The following CCDC85C variants were observed in gnomAD, a reference collection of about 807,000 sequenced individuals.
CCDC85C encodes the protein coiled-coil domain containing 85C, also known as coiled-coil domain-containing protein 85C.
A neutral mutation model predicts 38.3 loss-of-function variants in CCDC85C; 18 were observed. The observed-to-expected ratio is 0.47, with a 90% CI of 0.33 to 0.70. The LOEUF is 0.70. Among genes scored for constraint, CCDC85C ranks in the 30% least tolerant of loss-of-function variants. CCDC85C has a pLI of 0.03. For synonymous variants in CCDC85C, 264 were observed against 293.8 expected (o/e 0.90, Z 1.04); for missense variants, 566 against 621.2 (o/e 0.91, Z 0.94).
chr14:99,582,974 T>A (rs924231238), intron 1 of CCDC85C: 3 of 152,198 alleles, frequency 2.0e-5, no homozygotes, highest in African/African-American at 7.2e-5. Flanking sequence ...ACGAGAACTC[T>A]CTGTATCTCC....
rs1352747144 is a variant in CCDC85C at position 99,506,701 on chromosome 14, T to G, written c.*8545A>C. 1 of 247,618 alleles carries G rather than the reference T, an allele frequency of 4.0e-6. No individual in the cohort carries two copies. The highest frequency in any genetic ancestry group is 2.3e-5 in the African/African-American group (1 of 44,402). 15.3% of individuals were successfully genotyped at this position (247,618 alleles called of 1,614,324 possible). On this transcript the variant is annotated 3_prime_UTR_variant, in exon 6 of 6. Transcript: ENST00000380243. ...GGACTCAGTGACATGATGTTGCTAC[T>G]CTGGACCCTTCTTTGTGTCCTCTGT...
chr14:99,552,328 C>G (rs1165283874), intron 1 of CCDC85C, among the ~76,000 whole-genome samples: 2 of 152,230 alleles, frequency 1.3e-5, no homozygotes, highest in Non-Finnish European at 2.9e-5. Context: ...CCACAAGGGT[C>G]TCTGGGGGCC....
chr14:99,540,949 C>T (rs1897701165), intron 1 of CCDC85C, among the ~76,000 whole-genome samples: 1 of 152,192 alleles, frequency 6.6e-6, no homozygotes, highest in African/African-American at 2.4e-5. Context: ...ACTCACTGGC[C>T]TTCTGGGAAG....
rs1897575991 is a variant in CCDC85C, at chr14:99,535,402, C to T, written c.867+613G>A. The stretch of plus-strand genomic sequence containing the variant: ...TAGCCTCCTCTCGGCAGCCCCCACG[C>T]CTGCCCCACCTGCAGCAGGGAAAGC... On this transcript the variant is annotated intron_variant, in intron 2 of 5. Transcript: ENST00000380243. The surrounding 1 kb of genome is among the most constrained non-coding windows in gnomAD (Gnocchi z 5.5). 2.6e-5 allele frequency among the ~76,000 whole-genome samples: 4 copies of T among 152,284 alleles called. No individual in the cohort carries two copies. Among genetic ancestry groups the T allele is most frequent in the Middle Eastern group, 3.4e-3 (1 of 294 alleles).
rs192898653 is a variant in CCDC85C, at chr14:99,564,317, C to T, written c.794-28229G>A. On this transcript the variant is annotated intron_variant, in intron 1 of 5. Coordinates refer to ENST00000380243, the MANE Select transcript of CCDC85C (RefSeq NM_001144995.2). Reference sequence around the variant, plus strand: ...TTGCACTCTCCTCCTTGCACCCTCCCCAGACCCACAAGATGGAAGAGGGTG... The same window carrying T: ...TTGCACTCTCCTCCTTGCACCCTCCTCAGACCCACAAGATGGAAGAGGGTG... 3.6e-3 allele frequency among the ~76,000 whole-genome samples: 547 copies of T among 152,320 alleles called. 6 individuals are homozygous for T. Among genetic ancestry groups the T allele is most frequent in the African/African-American group, 0.012 (506 of 41,578 alleles).
chr14:99,574,557 T>G (rs777356289), intron 1 of CCDC85C, among the ~76,000 whole-genome samples: 15 of 150,988 alleles, frequency 9.9e-5, no homozygotes, highest in Non-Finnish European at 1.9e-4. Flanking sequence ...CTAAGGGAGG[T>G]GGGGAACTCC....
chr14:99,503,418 A>G lies in CCDC85C; in HGVS notation c.*11828T>C. The G allele has an allele frequency of 3.3e-6, 2 of 606,942 alleles. No individual in the cohort carries two copies. The highest frequency in any genetic ancestry group is 5.9e-6 in the Non-Finnish European group (2 of 340,088). The allele number at this position is 606,942 out of a possible 1,614,324, so 37.6% of individuals were successfully genotyped here. A position where few individuals can be genotyped will look rare whatever the true frequency, so the allele number is the denominator to read the frequency against. On this transcript the variant is annotated 3_prime_UTR_variant, in exon 6 of 6. Coordinates refer to ENST00000380243, the MANE Select transcript of CCDC85C (RefSeq NM_001144995.2). ...CATTCTGTCTTATTTGGTAAATGGA[A>G]AGAGGAAGGGAGCAGAAATGATGAT...
In CCDC85C at chr14:99,578,246, TTGTG is replaced by T. The variant is rs373278208; in HGVS notation, c.793+24917_793+24920del. ...CATCCTGTATCCCCCATCGGTGTGT[TTGTG>T]TGTGTGTGTGAGTGTACACCTCTCC... On this transcript the variant is annotated intron_variant, in intron 1 of 5. Coordinates refer to ENST00000380243, the MANE Select transcript of CCDC85C (RefSeq NM_001144995.2). Among the ~76,000 whole-genome samples the T allele has an allele frequency of 3.2e-3, 311 of 96,830 alleles. 8 individuals carry two copies. The highest frequency in any genetic ancestry group is 0.012 in the African/African-American group (267 of 22,156). 63.5% of individuals were successfully genotyped at this position (96,830 alleles called of 152,430 possible).
rs373279176 is a variant in CCDC85C, at chr14:99,588,579, G to A, written c.793+14588C>T. Among the ~76,000 whole-genome samples the A allele has an allele frequency of 3.0e-4, 46 of 152,182 alleles. No individual in the cohort carries two copies. Among genetic ancestry groups the A allele is most frequent in the Admixed American group, 2.2e-3 (33 of 15,290 alleles). ...CTCCTGCTGGCGATGGCGCTGGCCC[G>A]GGAGGCCTGAGGAAGCGAGCTGGGG... On this transcript the variant is annotated intron_variant, in intron 1 of 5. Transcript: ENST00000380243. This position sits in a 1 kb window ranked among gnomAD's most constrained non-coding sequence, Gnocchi z 5.0.
chr14:99,567,944 TC>T (rs1898250539), intron 1 of CCDC85C, among the ~76,000 whole-genome samples: 1 of 152,202 alleles, frequency 6.6e-6, no homozygotes, highest in Non-Finnish European at 1.5e-5. Flanking sequence ...ATGCCAGCAC[TC>T]TTTTCGACAG....
intron 1 of CCDC85C, among the ~76,000 whole-genome samples, chr14:99,577,366 C>T (rs1566779966): frequency 7.1e-6 from 1 of 140,088 alleles, no homozygotes; most frequent in Non-Finnish European, 1.6e-5. Flanking sequence ...AGCAAGTGGG[C>T]GGCAGACGTG....
intron 1 of CCDC85C, among the ~76,000 whole-genome samples, chr14:99,570,759 C>T (rs925988460): frequency 5.9e-5 from 9 of 152,108 alleles, no homozygotes; most frequent in Non-Finnish European, 1.2e-4. Context: ...CTCACAGGCA[C>T]GTGCAGCTTT....
intron 1 of CCDC85C, among the ~76,000 whole-genome samples, chr14:99,591,477 G>A (rs983498003): frequency 3.9e-5 from 6 of 152,250 alleles, no homozygotes; most frequent in South Asian, 2.1e-4. Flanking sequence ...CGCGAGGGCT[G>A]CAGGTCCCAC....
rs1257948327 is a variant in CCDC85C, at chr14:99,576,368, C to T, written c.793+26799G>A. On this transcript the variant is annotated intron_variant, in intron 1 of 5. Transcript: ENST00000380243. This position sits in a 1 kb window ranked among gnomAD's most constrained non-coding sequence, Gnocchi z 4.8. ...CTTAAGGCACCCCTTCCTGCTCTGA[C>T]ATGCAGGACCAAGCTGGCCCAGGAG... The T allele has an allele frequency of 2.0e-5, 3 of 152,360 alleles. No individual in the cohort carries two copies. The highest frequency in any genetic ancestry group is 4.4e-5 in the Non-Finnish European group (3 of 68,146). The allele number at this position is 152,360 out of a possible 1,614,324, so 9.4% of individuals were successfully genotyped here. A position where few individuals can be genotyped will look rare whatever the true frequency, so the allele number is the denominator to read the frequency against.
Position 99,544,508 on chromosome 14 carries a change from G to GTGTT in CCDC85C, c.794-8421_794-8420insAACA, listed in dbSNP as rs1897771278. 1.3e-5 allele frequency among the ~76,000 whole-genome samples: 2 copies of GTGTT among 152,018 alleles called. No individual in the cohort carries two copies. The highest frequency in any genetic ancestry group is 1.9e-4 in the East Asian group (1 of 5,168). On this transcript the variant is annotated intron_variant, in intron 1 of 5. Transcript: ENST00000380243. The surrounding 1 kb of genome is among the most constrained non-coding windows in gnomAD (Gnocchi z 5.3). ...TTGAAGGGTGTGTGTGTGTGTGTGT[G>GTGTT]TGTGTGTGTCTGTGTGTCTGTGTGT...
rs1897442373 is a variant in CCDC85C at position 99,528,960 on chromosome 14, C to G, written c.868-6720G>C. 2.0e-5 allele frequency among the ~76,000 whole-genome samples: 3 copies of G among 152,190 alleles called. No individual in the cohort carries two copies. In the South Asian group the frequency reaches 6.2e-4, roughly 32 times the overall value. On this transcript the variant is annotated intron_variant, in intron 2 of 5. Transcript: ENST00000380243. ...GCACACGTGTACTCATGTAACAAAC[C>G]TGCATGTCCTGCACATGTACCCAGG...
chr14:99,590,949 C>T (rs987974268), intron 1 of CCDC85C, among the ~76,000 whole-genome samples: 1 of 152,228 alleles, frequency 6.6e-6, no homozygotes, highest in Non-Finnish European at 1.5e-5. Flanking sequence ...CCGCCAGGGA[C>T]GGCCAGAGTA....
rs1194549116 is a variant in CCDC85C at position 99,516,355 on chromosome 14, CT to C, written c.1072-70del. On this transcript the variant is annotated intron_variant, in intron 4 of 5. Coordinates refer to ENST00000380243, the MANE Select transcript of CCDC85C (RefSeq NM_001144995.2). The surrounding 1 kb of genome is among the most constrained non-coding windows in gnomAD (Gnocchi z 5.5). ...AGACCTCGGGCAAGTCACCTGGCCC[CT>C]GATCCTCAGCCTCCCCTGCTGCGAA... 1.7e-6 allele frequency: 2 copies of C among 1,154,114 alleles called. No individual in the cohort carries two copies. Among genetic ancestry groups the C allele is most frequent in the South Asian group, 1.3e-5 (1 of 75,804 alleles). The allele number at this position is 1,154,114 out of a possible 1,614,324, so 71.5% of individuals were successfully genotyped here. A position where few individuals can be genotyped will look rare whatever the true frequency, so the allele number is the denominator to read the frequency against.
Position 99,515,061 on chromosome 14 carries a change from A to G in CCDC85C, c.*185T>C. Reference sequence around the variant, plus strand: ...CCAGGTTGCTGGTGTATGAGGCGGGAGATGGCGGCTTGGGCCAGTGCATCG... The same window carrying G: ...CCAGGTTGCTGGTGTATGAGGCGGGGGATGGCGGCTTGGGCCAGTGCATCG... On this transcript the variant is annotated 3_prime_UTR_variant, in exon 6 of 6. Coordinates refer to ENST00000380243, the MANE Select transcript of CCDC85C (RefSeq NM_001144995.2). 3.7e-6 allele frequency: 2 copies of G among 543,486 alleles called. No individual in the cohort carries two copies. Among genetic ancestry groups the G allele is most frequent in the Non-Finnish European group, 6.6e-6 (2 of 303,892 alleles). The allele number at this position is 543,486 out of a possible 1,614,324, so 33.7% of individuals were successfully genotyped here. A position where few individuals can be genotyped will look rare whatever the true frequency, so the allele number is the denominator to read the frequency against.
Sources: gnomAD v4.1 joint callset for allele counts (sites outside exome capture counted in the v4.1 genomes callset) on GRCh38, gnomAD v4.1.1 for gene constraint, Gnocchi (gnomAD v3.1) non-coding constraint, MANE v1.5 for transcripts, NCBI Gene and HGNC (gene_info 2026-07-23, HGNC 2026-07-21) for gene names.